Variants in GPR158 observed in about 807,000 individuals in gnomAD.
The protein encoded by GPR158 is metabotropic glycine receptor.
GPR158 carries 30 observed loss-of-function variants against 78.2 expected under a neutral mutation model. The observed-to-expected ratio is 0.38, with a 90% CI of 0.29 to 0.52. The LOEUF (loss-of-function observed/expected upper bound fraction) is 0.52. GPR158 is among the 20% of genes least tolerant of loss of function. The probability of loss-of-function intolerance (pLI) is 0.83; values close to 1 mark genes in which losing one functional copy is unlikely to be tolerated. For synonymous variants in GPR158, 581 were observed against 591.1 expected, an observed-to-expected ratio of 0.98 and a Z score of 0.25; for missense variants, 1,463 against 1,523.5, an observed-to-expected ratio of 0.96 and a Z score of 0.66.
chr10:25,377,744 A>G (rs528744684), intron 2 of GPR158, among the ~76,000 whole-genome samples: 1 of 152,242 alleles, frequency 6.6e-6, no homozygotes, highest in East Asian at 1.9e-4. Context: ...ATTCCATTAT[A>G]TGGATAAACA....
intron 4 of GPR158, among the ~76,000 whole-genome samples, chr10:25,463,327 C>T (rs1405183487): frequency 6.6e-6 from 1 of 151,964 alleles, no homozygotes; most frequent in Non-Finnish European, 1.5e-5. Flanking sequence ...TTGTGTGATT[C>T]ACTTTATTTT....
chr10:25,441,564 G>T (rs992819264), intron 4 of GPR158, among the ~76,000 whole-genome samples: 4 of 152,098 alleles, frequency 2.6e-5, no homozygotes, highest in African/African-American at 9.7e-5. Flanking sequence ...AATCTCTTGT[G>T]CAGCCTTTTG....
chr10:25,513,097 A>G (rs1236021616), intron 5 of GPR158, among the ~76,000 whole-genome samples: 2 of 151,880 alleles, frequency 1.3e-5, no homozygotes, highest in South Asian at 2.1e-4. Flanking sequence ...GATAGTGTCA[A>G]TAGGATCAAT....
intron 2 of GPR158, among the ~76,000 whole-genome samples, chr10:25,357,472 G>A (rs975321175): frequency 1.3e-5 from 2 of 152,116 alleles, no homozygotes; most frequent in Admixed American, 6.5e-5. Context: ...CCAGGCCCAA[G>A]GTCCCCAATG....
chr10:25,518,158 G>A (rs1242636982), intron 5 of GPR158, among the ~76,000 whole-genome samples: 1 of 89,596 alleles, frequency 1.1e-5, no homozygotes, highest in Non-Finnish European at 2.2e-5. Flanking sequence ...GTTTATTTGT[G>A]TAGAGGTGTT....
At chr10:25,480,135 A>G (rs1353891085) in intron 5 of GPR158, among the ~76,000 whole-genome samples, 1 of 152,066 alleles carries the variant, frequency 6.6e-6, no homozygotes, top group African/African-American at 2.4e-5. Context: ...ATTTGTCAGA[A>G]GGAACATGTT....
chr10:25,498,930 T>G (rs1835918939), intron 5 of GPR158, among the ~76,000 whole-genome samples: 2 of 152,156 alleles, frequency 1.3e-5, no homozygotes, highest in South Asian at 4.1e-4. Flanking sequence ...TTGAGGACTT[T>G]CGGAACCCTA....
At chr10:25,307,377 CTTTTTTTT>C (rs561085223) in intron 2 of GPR158, among the ~76,000 whole-genome samples, 3,664 of 114,394 alleles carry the variant, frequency 0.032, 121 homozygotes, top group African/African-American at 0.087. Flanking sequence ...ATTTTAATTG[CTTTTTTTT>C]TTTTTTTTTT....
intron 5 of GPR158, among the ~76,000 whole-genome samples, chr10:25,517,092 T>A (rs1378815878): frequency 6.7e-6 from 1 of 149,578 alleles, no homozygotes; most frequent in Non-Finnish European, 1.5e-5. Flanking sequence ...TTCACATCCC[T>A]TGTAAGTTGG....
intron 5 of GPR158, among the ~76,000 whole-genome samples, chr10:25,532,801 G>T (rs1008623797): frequency 6.6e-6 from 1 of 150,730 alleles, no homozygotes; most frequent in African/African-American, 2.4e-5. Context: ...TGCCCCTTGC[G>T]TTCTCATTCC....
intron 2 of GPR158, among the ~76,000 whole-genome samples, chr10:25,363,047 A>G (rs1046527197): frequency 2.0e-5 from 3 of 151,214 alleles, no homozygotes; most frequent in Admixed American, 2.0e-4. Flanking sequence ...CTTCCATTTG[A>G]TTGTAGTCTC....
intron 5 of GPR158, among the ~76,000 whole-genome samples, chr10:25,548,692 C>T (rs1390207423): frequency 6.6e-6 from 1 of 152,174 alleles, no homozygotes; most frequent in Non-Finnish European, 1.5e-5. Context: ...TCTCTCCTAC[C>T]ACCAGCTTTG....
At chr10:25,373,155 A>G (rs1588832261) in intron 2 of GPR158, among the ~76,000 whole-genome samples, 1 of 151,944 alleles carries the variant, frequency 6.6e-6, no homozygotes, top group Non-Finnish European at 1.5e-5. Flanking sequence ...AGCAGCATGG[A>G]TGGAGCTGGA....
rs147809522 is a variant in GPR158 at position 25,547,873 on chromosome 10, A to G, written c.1405-3103A>G. ...GAGTAAATGTATGCAAAGATGCTTAATTTAGTGTCTAGCATATAGTAAGTG... is the reference window on the plus strand; with the variant it reads ...GAGTAAATGTATGCAAAGATGCTTAGTTTAGTGTCTAGCATATAGTAAGTG... On this transcript the variant is annotated intron_variant, in intron 5 of 10. Coordinates refer to ENST00000376351, the MANE Select transcript of GPR158 (RefSeq NM_020752.3). Among the ~76,000 whole-genome samples, 512 of 152,308 alleles carry G rather than the reference A, an allele frequency of 3.4e-3. 1 individual carries two copies. The highest frequency in any genetic ancestry group is 0.011 in the African/African-American group (441 of 41,572).
intron 5 of GPR158, among the ~76,000 whole-genome samples, chr10:25,483,379 CCT>C (rs1174997741): frequency 1.3e-5 from 2 of 152,018 alleles, no homozygotes; most frequent in East Asian, 3.9e-4. Context: ...TTTCCTCCCC[CCT>C]TTCATGTCTT....
intron 2 of GPR158, among the ~76,000 whole-genome samples, chr10:25,328,680 A>G (rs770545971): frequency 2.6e-5 from 4 of 152,090 alleles, no homozygotes; most frequent in African/African-American, 4.8e-5. Context: ...TAATCCCAGC[A>G]CTTTGGAAGG....
chr10:25,360,867 CATG>C (rs1211955863), intron 2 of GPR158, among the ~76,000 whole-genome samples: 2 of 152,006 alleles, frequency 1.3e-5, no homozygotes, highest in Admixed American at 6.6e-5. Flanking sequence ...TGGCCATTTT[CATG>C]ATATTGATTC....
intron 8 of GPR158, among the ~76,000 whole-genome samples, chr10:25,592,082 T>G (rs1244810553): frequency 6.6e-6 from 1 of 152,058 alleles, no homozygotes; most frequent in Non-Finnish European, 1.5e-5. Flanking sequence ...ATTTTTTCCT[T>G]GAATGAAACA....
rs545209295 is a variant in GPR158, at chr10:25,225,081, T to A, written c.1008+3924T>A. ...GATTGTTAAAATGGCTTTGAAGGAATGGTTTTTGTTGTTGTTGTTTTTTAA... is the reference window on the plus strand; with the variant it reads ...GATTGTTAAAATGGCTTTGAAGGAAAGGTTTTTGTTGTTGTTGTTTTTTAA... On this transcript the variant is annotated intron_variant, in intron 2 of 10. Coordinates refer to ENST00000376351, the MANE Select transcript of GPR158 (RefSeq NM_020752.3). Among the ~76,000 whole-genome samples, 6 of 152,196 alleles carry A rather than the reference T, an allele frequency of 3.9e-5. No individual in the cohort carries two copies. In the South Asian group the frequency reaches 1.2e-3, roughly 32 times the overall value.
Sources: allele counts gnomAD v4.1 joint callset (sites outside exome capture counted in the v4.1 genomes callset), GRCh38; gene constraint gnomAD v4.1.1; transcripts MANE v1.5; gene names NCBI Gene and HGNC (gene_info 2026-07-23, HGNC 2026-07-21).